Variants in KCNK1 observed in about 807,000 individuals in gnomAD.
KCNK1 encodes the protein potassium channel subfamily K member 1.
In KCNK1, 10 loss-of-function variants were observed where a neutral mutation model predicts 22.2. That is an observed-to-expected ratio of 0.45 (90% CI 0.28 to 0.76). The LOEUF (loss-of-function observed/expected upper bound fraction) is 0.76. KCNK1 is among the 30% of genes least tolerant of loss of function. KCNK1 has a pLI of 0.14. For synonymous variants in KCNK1, 200 were observed against 186.4 expected (o/e 1.07, Z -0.60); for missense variants, 378 against 421.0 (o/e 0.90, Z 0.89).
intron 1 of KCNK1, among the ~76,000 whole-genome samples, chr1:233,630,156 C>T (rs1322239810): frequency 2.0e-5 from 3 of 152,100 alleles, no homozygotes; most frequent in Non-Finnish European, 2.9e-5. Flanking sequence ...AAGGGTGTAC[C>T]TGTAGGATGC....
intron 1 of KCNK1, among the ~76,000 whole-genome samples, chr1:233,663,107 G>C (rs527434968): frequency 6.6e-6 from 1 of 152,168 alleles, no homozygotes; most frequent in Non-Finnish European, 1.5e-5. Flanking sequence ...CAAACGAAGC[G>C]CTGTGTTGTA....
At chr1:233,655,201 CTTCTTTTCTTTCTTTCTA>C (rs1658268813) in intron 1 of KCNK1, among the ~76,000 whole-genome samples, 2 of 152,274 alleles carry the variant, frequency 1.3e-5, no homozygotes, top group East Asian at 1.9e-4. Context: ...CCTATCCTTT[CTTCTTTTCTTTCTTTCTA>C]TTCTTTTCTT....
chr1:233,662,888 T>C (rs182033170), intron 1 of KCNK1, among the ~76,000 whole-genome samples: 23 of 152,328 alleles, frequency 1.5e-4, no homozygotes, highest in Admixed American at 1.4e-3. Context: ...TAAAAAAATG[T>C]AACCCAAGTA....
intron 1 of KCNK1, among the ~76,000 whole-genome samples, chr1:233,634,857 T>C (rs1432570881): frequency 6.6e-6 from 1 of 152,246 alleles, no homozygotes; most frequent in Non-Finnish European, 1.5e-5. Flanking sequence ...TATGTCCTGC[T>C]GAGGCATATG....
chr1:233,631,346 T>A, intron 1 of KCNK1: 1 of 520,616 alleles, frequency 1.9e-6, no homozygotes, highest in Non-Finnish European at 3.9e-6. Context: ...TGGGAATCAC[T>A]GCCCTGAGAC....
Position 233,614,430 on chromosome 1 carries a change from A to T in KCNK1, c.259A>T (p.Asn87Tyr). 6.2e-7 allele frequency: 1 copy of T among 1,613,322 alleles called. No homozygotes were observed. The highest frequency in any genetic ancestry group is 8.5e-7 in the Non-Finnish European group (1 of 1,179,754). The change falls in exon 1 of 3, where the codon AAC becomes TAC. Residue 87 changes from asparagine (N) to tyrosine (Y), a missense_variant. Asn to Tyr is a moderately radical substitution (Grantham distance 143). Transcript: ENST00000366621. ...QFLGRVLEAS[N>Y]YGVSVLSNAS... is the part of the protein sequence containing the mutation. ...CCTGGGCCGGGTGCTGGAGGCCAGC[A>T]ACTACGGCGTGTCGGTGCTCAGCAA...
At chr1:233,646,749 A>G (rs1658100612) in intron 1 of KCNK1, among the ~76,000 whole-genome samples, 1 of 152,168 alleles carries the variant, frequency 6.6e-6, no homozygotes, top group South Asian at 2.1e-4. Context: ...GTGTGAAGCC[A>G]GAGGAAGAAA....
chr1:233,622,552 A>G (rs1657608015), intron 1 of KCNK1, among the ~76,000 whole-genome samples: 1 of 152,032 alleles, frequency 6.6e-6, no homozygotes, highest in African/African-American at 2.4e-5. Context: ...TTTTGCATGG[A>G]TCCCTTATTT....
rs752158962 is a variant in KCNK1 at position 233,614,220 on chromosome 1, C to T, written c.49C>T (p.His17Tyr). ...GSSCVRLVERHRSAWCFGFLV... is the reference protein window; with the variant it reads ...GSSCVRLVERYRSAWCFGFLV... Reference sequence around the variant, plus strand: ...CTCGTGCGTGCGCCTGGTGGAGCGGCACCGCTCGGCCTGGTGCTTCGGCTT... The same window carrying T: ...CTCGTGCGTGCGCCTGGTGGAGCGGTACCGCTCGGCCTGGTGCTTCGGCTT... Residue 17 changes from histidine to tyrosine, a missense_variant, in exon 1 of 3, where the codon CAC becomes TAC. His to Tyr is a moderately conservative substitution (Grantham distance 83). Transcript: ENST00000366621. 2 of 1,611,166 alleles carry T rather than the reference C, an allele frequency of 1.2e-6. No homozygotes were observed. The highest frequency in any genetic ancestry group is 1.9e-4 in the Middle Eastern group (1 of 5,362).
Position 233,671,712 on chromosome 1 carries a change from C to A in KCNK1, c.*182C>A, listed in dbSNP as rs188262961. The A allele has an allele frequency of 1.8e-4, 127 of 689,166 alleles. No homozygotes were observed. Among genetic ancestry groups the A allele is most frequent in the Non-Finnish European group, 2.9e-4 (121 of 421,138 alleles). 42.7% of individuals were successfully genotyped at this position (689,166 alleles called of 1,614,324 possible). ...ACAAATGGAACAAAGAAGCTGTGAC[C>A]CCAGCAGGATGTCTAATATGTGAGG... is the stretch of plus-strand genomic sequence containing the variant. On this transcript the variant is annotated 3_prime_UTR_variant, in exon 3 of 3. Coordinates refer to ENST00000366621, the MANE Select transcript of KCNK1 (RefSeq NM_002245.4).
In KCNK1 at chr1:233,614,587, C is replaced by T. The variant is rs1049768644; in HGVS notation, c.355+61C>T. ...CACCTCGCCCACAACCCACACACCC[C>T]GGCCCCGGCGCCCCGGGCCCCTCTA... On this transcript the variant is annotated intron_variant, in intron 1 of 2. Transcript: ENST00000366621. 9 of 1,355,402 alleles carry T rather than the reference C, an allele frequency of 6.6e-6. No individual in the cohort carries two copies. In the African/African-American group the frequency reaches 8.7e-5, roughly 13 times the overall value. The allele number at this position is 1,355,402 out of a possible 1,614,324, so 84.0% of individuals were successfully genotyped here.
At chr1:233,631,948 G>T (rs1018563227) in intron 1 of KCNK1, among the ~76,000 whole-genome samples, 26 of 152,166 alleles carry the variant, frequency 1.7e-4, no homozygotes, top group Non-Finnish European at 3.2e-4. Context: ...CACTGCATTA[G>T]GCTTGACAGA....
intron 1 of KCNK1, chr1:233,631,195 C>T (rs1309762438): frequency 2.0e-6 from 1 of 493,866 alleles, no homozygotes; most frequent in East Asian, 5.9e-5. Context: ...TACGTGGTAA[C>T]TGCTAACTCA....
chr1:233,637,625 A>C (rs57618035), intron 1 of KCNK1, among the ~76,000 whole-genome samples: 3,612 of 152,258 alleles, frequency 0.024, 142 homozygotes, highest in African/African-American at 0.082. Flanking sequence ...TTGATGGAAG[A>C]TTTTATGACT....
chr1:233,659,152 A>G (rs1658348884), intron 1 of KCNK1, among the ~76,000 whole-genome samples: 1 of 151,208 alleles, frequency 6.6e-6, no homozygotes, highest in African/African-American at 2.4e-5. Flanking sequence ...TATTTCCTTT[A>G]TATTCTTATT....
rs1321693318 is a variant in KCNK1, at chr1:233,672,505, C to A, written c.*975C>A. ...AAGCTAAAATAAATAAAAATCACAGCTGGTTGTAATCTTATGCTTTCATAT... is the reference window on the plus strand; with the variant it reads ...AAGCTAAAATAAATAAAAATCACAGATGGTTGTAATCTTATGCTTTCATAT... On this transcript the variant is annotated 3_prime_UTR_variant, in exon 3 of 3. Transcript: ENST00000366621. 1 of 146,210 alleles carries A rather than the reference C, an allele frequency of 6.8e-6. No individual in the cohort carries two copies. Among genetic ancestry groups the A allele is most frequent in the Non-Finnish European group, 1.5e-5 (1 of 66,310 alleles). 9.1% of individuals were successfully genotyped at this position (146,210 alleles called of 1,614,324 possible).
intron 2 of KCNK1, among the ~76,000 whole-genome samples, chr1:233,668,261 C>T (rs888537300): frequency 1.1e-4 from 17 of 152,158 alleles, no homozygotes; most frequent in Non-Finnish European, 2.5e-4. Flanking sequence ...ACTCAAGCAG[C>T]CAGATGCTCT....
intron 1 of KCNK1, chr1:233,630,384 TCTTTGCATTTTGTACAATG>T (rs1366737224): frequency 6.6e-6 from 1 of 152,264 alleles, no homozygotes; most frequent in Non-Finnish European, 1.5e-5. Context: ...AAACAGGCAT[TCTTTGCATTTTGTACAATG>T]CTTTGCATTT....
At chr1:233,641,145 T>C (rs1657992796) in intron 1 of KCNK1, among the ~76,000 whole-genome samples, 2 of 152,240 alleles carry the variant, frequency 1.3e-5, no homozygotes, top group African/African-American at 4.8e-5. Context: ...CCGGAAGACT[T>C]TCTATGTAGG....
Sources: allele counts gnomAD v4.1 joint callset (sites outside exome capture counted in the v4.1 genomes callset), GRCh38; gene constraint gnomAD v4.1.1; transcripts MANE v1.5; gene names NCBI Gene and HGNC (gene_info 2026-07-23, HGNC 2026-07-21).